FOXN3: variants seen among roughly 807,000 people sequenced by gnomAD.
FOXN3 encodes forkhead box protein N3.
In FOXN3, 7 loss-of-function variants were observed where a neutral mutation model predicts 38.4. That is an observed-to-expected ratio of 0.18 (90% CI 0.10 to 0.34). The LOEUF (loss-of-function observed/expected upper bound fraction) is 0.34, where lower values mean the gene tolerates loss of function less well. Among genes scored for constraint, FOXN3 ranks in the 10% least tolerant of loss-of-function variants. FOXN3 has a pLI of 1.00. For missense variants in FOXN3, 456 were observed against 613.4 expected (o/e 0.74, Z 2.71); for synonymous variants, 230 against 242.2 (o/e 0.95, Z 0.47).
At chr14:89,276,864 G>A (rs1195601348) in intron 4 of FOXN3, among the ~76,000 whole-genome samples, 1 of 152,226 alleles carries the variant, frequency 6.6e-6, no homozygotes, top group East Asian at 1.9e-4. Flanking sequence ...CAAGAGGGCA[G>A]AAGTAGGATA....
At chr14:89,472,616 G>C (rs1893125204) in intron 1 of FOXN3, among the ~76,000 whole-genome samples, 1 of 151,326 alleles carries the variant, frequency 6.6e-6, no homozygotes. Context: ...AGCTACTAGG[G>C]AGGCTGAGGC....
At chr14:89,416,438 G>T (rs563823709) in intron 1 of FOXN3, among the ~76,000 whole-genome samples, 4 of 152,302 alleles carry the variant, frequency 2.6e-5, no homozygotes, top group South Asian at 4.1e-4. Flanking sequence ...GATGAGGGGG[G>T]TCGGGCCTCG....
At chr14:89,371,609 C>G (rs1322969052) in intron 2 of FOXN3, among the ~76,000 whole-genome samples, 1 of 152,048 alleles carries the variant, frequency 6.6e-6, no homozygotes, top group African/African-American at 2.4e-5. Context: ...CCCCGCAGAG[C>G]ACCTCTTTAG....
chr14:89,407,553 G>C (rs926138720), intron 2 of FOXN3, among the ~76,000 whole-genome samples: 1 of 152,214 alleles, frequency 6.6e-6, no homozygotes, highest in Non-Finnish European at 1.5e-5. Context: ...CAGCAAGGCT[G>C]GGTGCAGCGA....
At chr14:89,278,602 C>A (rs145402692) in intron 4 of FOXN3, among the ~76,000 whole-genome samples, 1 of 152,248 alleles carries the variant, frequency 6.6e-6, no homozygotes, top group African/African-American at 2.4e-5. Context: ...TCCCACGTCA[C>A]CCCCATGTGA....
intron 1 of FOXN3, among the ~76,000 whole-genome samples, chr14:89,442,220 C>G (rs1159637988): frequency 1.3e-5 from 2 of 152,146 alleles, no homozygotes; most frequent in African/African-American, 4.8e-5. Context: ...GCCACCGCGC[C>G]CGGGTGAAAC....
At chr14:89,424,456 T>G (rs1388385538) in intron 1 of FOXN3, among the ~76,000 whole-genome samples, 10 of 152,194 alleles carry the variant, frequency 6.6e-5, no homozygotes, top group African/African-American at 1.7e-4. Context: ...CATTATATCC[T>G]GTGTTATGAG....
chr14:89,500,699 G>A (rs1007861338), intron 1 of FOXN3, among the ~76,000 whole-genome samples: 2 of 152,202 alleles, frequency 1.3e-5, no homozygotes, highest in Non-Finnish European at 2.9e-5. Context: ...AGCAGGTATT[G>A]TAACCAGCCT....
At chr14:89,564,056 T>C (rs1488877215) in intron 1 of FOXN3, among the ~76,000 whole-genome samples, 2 of 152,080 alleles carry the variant, frequency 1.3e-5, no homozygotes, top group East Asian at 1.9e-4. Flanking sequence ...GGTTTCACCA[T>C]GTTGGCCAGG....
chr14:89,161,372 C>T lies in FOXN3; in HGVS notation c.*1042G>A, dbSNP rs1282857921. 2.0e-5 allele frequency: 3 copies of T among 149,382 alleles called. No homozygotes were observed. The highest frequency in any genetic ancestry group is 2.1e-4 in the South Asian group (1 of 4,752). The allele number at this position is 149,382 out of a possible 1,614,324, so 9.3% of individuals were successfully genotyped here. On this transcript the variant is annotated 3_prime_UTR_variant, in exon 6 of 6. Transcript: ENST00000557258. ...ACACCACAATACTAATGGCAGGTTCCGTAGCTTTCTAGTTTTTTTTTTTTT... is the reference window on the plus strand; with the variant it reads ...ACACCACAATACTAATGGCAGGTTCTGTAGCTTTCTAGTTTTTTTTTTTTT...
chr14:89,473,534 C>T (rs978648912), intron 1 of FOXN3, among the ~76,000 whole-genome samples: 1 of 152,042 alleles, frequency 6.6e-6, no homozygotes, highest in Non-Finnish European at 1.5e-5. Flanking sequence ...CACCATCATA[C>T]CTGGTTAATT....
intron 1 of FOXN3, among the ~76,000 whole-genome samples, chr14:89,427,301 C>CTTTTT (rs34755821): frequency 0.052 from 3,488 of 67,714 alleles, 359 homozygotes; most frequent in African/African-American, 0.075. Context: ...GAAAAGGGGA[C>CTTTTT]TTTTTTTTTT....
chr14:89,469,212 C>T (rs1165076571), intron 1 of FOXN3, among the ~76,000 whole-genome samples: 2 of 152,160 alleles, frequency 1.3e-5, no homozygotes, highest in African/African-American at 4.8e-5. Flanking sequence ...AGCCTGAGGT[C>T]AGAACACCTG....
chr14:89,605,250 A>C (rs1896247079), intron 1 of FOXN3, among the ~76,000 whole-genome samples: 1 of 152,216 alleles, frequency 6.6e-6, no homozygotes, highest in African/African-American at 2.4e-5. Context: ...ATTGGAGTTA[A>C]GTGGTCTAAG....
At chr14:89,440,172 CT>C (rs905591779) in intron 1 of FOXN3, among the ~76,000 whole-genome samples, 8 of 152,150 alleles carry the variant, frequency 5.3e-5, no homozygotes, top group Admixed American at 1.3e-4. Context: ...CTTGGCACTA[CT>C]CCCACCAGTG....
At chr14:89,303,254 T>C (rs73325116) in intron 3 of FOXN3, among the ~76,000 whole-genome samples, 2,740 of 152,184 alleles carry the variant, frequency 0.018, 81 homozygotes, top group African/African-American at 0.062. Context: ...CCTCACTCCC[T>C]TGTTTTCTTT....
intron 4 of FOXN3, among the ~76,000 whole-genome samples, chr14:89,234,056 C>T (rs1358778450): frequency 6.6e-6 from 1 of 152,124 alleles, no homozygotes; most frequent in Non-Finnish European, 1.5e-5. Flanking sequence ...CAGTGCCCCT[C>T]GGATCATCAG....
intron 5 of FOXN3, among the ~76,000 whole-genome samples, chr14:89,172,935 T>C (rs143124792): frequency 4.6e-4 from 70 of 152,236 alleles, no homozygotes; most frequent in Non-Finnish European, 7.4e-4. Flanking sequence ...TATATGACCA[T>C]AGAGTAGGGA....
At chr14:89,368,459 A>G (rs1890219910) in intron 2 of FOXN3, among the ~76,000 whole-genome samples, 2 of 151,976 alleles carry the variant, frequency 1.3e-5, no homozygotes, top group African/African-American at 4.8e-5. Flanking sequence ...CCTGGGCAAC[A>G]TAGTGAAACC....
Sources: gnomAD v4.1 joint callset for allele counts (sites outside exome capture counted in the v4.1 genomes callset) on GRCh38, gnomAD v4.1.1 for gene constraint, MANE v1.5 for transcripts, NCBI Gene and HGNC (gene_info 2026-07-23, HGNC 2026-07-21) for gene names.